SYTL5: variants seen among roughly 807,000 people sequenced by gnomAD.
The protein encoded by SYTL5 is synaptotagmin-like protein 5.
Under a neutral mutation model 55.9 loss-of-function variants are expected in SYTL5, and 34 were observed. The observed-to-expected ratio is 0.61, with a 90% confidence interval of 0.46 to 0.81. The LOEUF (loss-of-function observed/expected upper bound fraction) is 0.81. Ranked by LOEUF, SYTL5 falls within the 30% of genes least tolerant of loss-of-function variation. The pLI is 0.00. For missense variants in SYTL5, 637 were observed against 546.7 expected (o/e 1.17, Z -1.65); for synonymous variants, 221 against 188.7 (o/e 1.17, Z -1.40).
chrX:37,890,397 C>G, the SYTL5 span, among the ~76,000 whole-genome samples: 1 of 111,929 alleles, frequency 8.9e-6, no homozygotes, highest in African/African-American at 3.2e-5. Flanking sequence ...ACACTTACAT[C>G]TAGACATATA....
chrX:37,951,913 G>A, the SYTL5 span, among the ~76,000 whole-genome samples: 5 of 111,332 alleles, frequency 4.5e-5, no homozygotes, highest in East Asian at 1.4e-3. Context: ...GAGGAGGATG[G>A]GCTAGACACA....
At chrX:38,077,526 G>A (rs1936421737) in intron 6 of SYTL5, among the ~76,000 whole-genome samples, 1 of 110,763 alleles carries the variant, frequency 9.0e-6, no homozygotes, top group Non-Finnish European at 1.9e-5. Context: ...ATTTTAGAAT[G>A]CAGACCAAAA....
chrX:38,118,446 A>G (rs1009703885), intron 13 of SYTL5, among the ~76,000 whole-genome samples: 1 of 111,183 alleles, frequency 9.0e-6, no homozygotes, highest in Non-Finnish European at 1.9e-5. Context: ...TCTCTGAGAG[A>G]GCAGTTCTCT....
chrX:38,089,656 T>G (rs1602385217), intron 7 of SYTL5, 69 bp downstream of exon 7: 1 of 1,058,186 alleles, frequency 9.5e-7, no homozygotes, highest in Admixed American at 2.8e-5. Flanking sequence ...CTGCCAGAGA[T>G]TGGGTAATTT....
chrX:38,080,451 A>AC (rs1936502484), intron 6 of SYTL5, among the ~76,000 whole-genome samples: 1 of 110,888 alleles, frequency 9.0e-6, no homozygotes, highest in Non-Finnish European at 1.9e-5. Context: ...CACGCACACC[A>AC]GTTTCATCCA....
At chrX:38,100,797 C>T (rs1937064439) in intron 9 of SYTL5, among the ~76,000 whole-genome samples, 2 of 110,644 alleles carry the variant, frequency 1.8e-5, no homozygotes, top group Non-Finnish European at 3.8e-5. Flanking sequence ...TTGACAATTC[C>T]TCTCACTGGT....
rs1170616254 is a variant in SYTL5 at position 38,108,586 on chromosome X, TTTC to T, written c.1335-11_1335-9del. On this transcript the variant is annotated splice_polypyrimidine_tract_variant and intron_variant, in intron 11 of 16. Coordinates refer to ENST00000297875, the MANE Select transcript of SYTL5 (RefSeq NM_138780.3). ...TGTTTCACAATAATTACATTTATAT[TTTC>T]TTATCTATAGTTATGTCAAGTCATA... The T allele has an allele frequency of 9.1e-7, 1 of 1,104,382 alleles. No individual in the cohort carries two copies. The highest frequency in any genetic ancestry group is 1.2e-6 in the Non-Finnish European group (1 of 811,834). The allele number at this position is 1,104,382 out of a possible 1,213,427, so 91.0% of individuals were successfully genotyped here. A position where few individuals can be genotyped will look rare whatever the true frequency, so the allele number is the denominator to read the frequency against.
At chrX:37,934,042 T>C in the SYTL5 span, among the ~76,000 whole-genome samples, 2 of 111,785 alleles carry the variant, frequency 1.8e-5, no homozygotes, top group Non-Finnish European at 3.8e-5. Context: ...AATACAGATT[T>C]CACTGAATTA....
the SYTL5 span, among the ~76,000 whole-genome samples, chrX:37,907,519 C>T: frequency 8.9e-6 from 1 of 112,339 alleles, no homozygotes; most frequent in African/African-American, 3.2e-5. Context: ...AACATAACTC[C>T]TCTACTCTAC....
intron 3 of SYTL5, among the ~76,000 whole-genome samples, chrX:38,062,854 C>T (rs760503655): frequency 8.9e-6 from 1 of 112,143 alleles, no homozygotes; most frequent in South Asian, 3.8e-4. Flanking sequence ...GAATAACCTC[C>T]TACTTTCTTA....
intron 2 of SYTL5, among the ~76,000 whole-genome samples, chrX:38,036,454 T>A (rs1188037557): frequency 8.9e-6 from 1 of 111,753 alleles, no homozygotes; most frequent in Non-Finnish European, 1.9e-5. Flanking sequence ...AAGAATAAAG[T>A]CATTGGTTTC....
intron 1 of SYTL5, among the ~76,000 whole-genome samples, chrX:38,020,439 A>G (rs927484133): frequency 6.1e-4 from 56 of 92,370 alleles, no homozygotes; most frequent in African/African-American, 2.3e-3. Flanking sequence ...ATATATATAT[A>G]TATATATATA....
chrX:37,993,663 T>C, the SYTL5 span, among the ~76,000 whole-genome samples: 1 of 112,198 alleles, frequency 8.9e-6, no homozygotes, highest in Non-Finnish European at 1.9e-5. Context: ...AATGTATACA[T>C]GGAGGCAAAA....
chrX:38,116,420 T>C (rs1937489942), intron 13 of SYTL5, among the ~76,000 whole-genome samples: 1 of 112,443 alleles, frequency 8.9e-6, no homozygotes, highest in Non-Finnish European at 1.9e-5. Flanking sequence ...ATAGAGGCAA[T>C]TAATTTTGTT....
At chrX:37,938,827 C>T in the SYTL5 span, among the ~76,000 whole-genome samples, 1 of 112,233 alleles carries the variant, frequency 8.9e-6, no homozygotes, top group East Asian at 2.8e-4. Flanking sequence ...CTGTGAAATA[C>T]TAAGACAGAC....
Position 38,127,985 on chromosome X carries a change from G to A in SYTL5, c.*1255G>A. 8.8e-6 allele frequency: 1 copy of A among 113,862 alleles called. No homozygotes were observed. Among genetic ancestry groups the A allele is most frequent in the Non-Finnish European group, 1.9e-5 (1 of 53,555 alleles). 9.4% of individuals were successfully genotyped at this position (113,862 alleles called of 1,213,427 possible). A position where few individuals can be genotyped will look rare whatever the true frequency, so the allele number is the denominator to read the frequency against. ...GGAAGTCAGAGGGCCAAGATGAAGA[G>A]GCAGGGAAATATGCACTGCCCACAG... On this transcript the variant is annotated 3_prime_UTR_variant, in exon 17 of 17. Coordinates refer to ENST00000297875, the MANE Select transcript of SYTL5 (RefSeq NM_138780.3).
the SYTL5 span, among the ~76,000 whole-genome samples, chrX:37,915,787 C>G: frequency 1.8e-5 from 2 of 110,637 alleles, no homozygotes; most frequent in Non-Finnish European, 3.8e-5. Context: ...TTAAATTCTA[C>G]TGATATATTC....
the SYTL5 span, among the ~76,000 whole-genome samples, chrX:37,904,271 G>C: frequency 0.016 from 1,682 of 105,062 alleles, 16 homozygotes; most frequent in South Asian, 0.057. Flanking sequence ...GGTCCGGGGG[G>C]GGGGGTGATA....
chrX:38,000,875 C>T, the SYTL5 span, among the ~76,000 whole-genome samples: 15 of 111,729 alleles, frequency 1.3e-4, no homozygotes, highest in South Asian at 3.8e-4. Flanking sequence ...AACCGAACTC[C>T]GCATTGTTTT....
Sources: allele counts gnomAD v4.1 joint callset (sites outside exome capture counted in the v4.1 genomes callset), GRCh38; gene constraint gnomAD v4.1.1; transcripts MANE v1.5; gene names NCBI Gene and HGNC (gene_info 2026-07-23, HGNC 2026-07-21).